The following CNTNAP2 variants were observed in gnomAD, a reference collection of about 807,000 sequenced individuals.
CNTNAP2 encodes contactin-associated protein-like 2.
A neutral mutation model predicts 155.2 loss-of-function variants in CNTNAP2; 98 were observed. That is an observed-to-expected ratio of 0.63 (90% CI 0.54 to 0.75). The LOEUF is 0.75. Ranked by LOEUF, CNTNAP2 falls within the 30% of genes least tolerant of loss-of-function variation. The probability of loss-of-function intolerance (pLI) is 0.00; values close to 1 mark genes in which losing one functional copy is unlikely to be tolerated. For missense variants in CNTNAP2, 1,727 were observed against 1,688.1 expected (o/e 1.02, Z -0.40); for synonymous variants, 651 against 631.2 (o/e 1.03, Z -0.47).
chr7:148,158,195 T>C (rs1034445573), intron 17 of CNTNAP2, among the ~76,000 whole-genome samples: 1 of 148,508 alleles, frequency 6.7e-6, no homozygotes, highest in Non-Finnish European at 1.5e-5. Context: ...CCATAGGAAG[T>C]GAGTGATGAT....
intron 1 of CNTNAP2, among the ~76,000 whole-genome samples, chr7:146,307,991 C>T (rs1216712440): frequency 2.0e-5 from 3 of 152,078 alleles, no homozygotes; most frequent in African/African-American, 7.2e-5. Flanking sequence ...TCTAATTAAA[C>T]TAAAGAGCTT....
intron 2 of CNTNAP2, among the ~76,000 whole-genome samples, chr7:146,822,151 A>G (rs2129196426): frequency 6.6e-6 from 1 of 152,278 alleles, no homozygotes; most frequent in Middle Eastern, 3.4e-3. Context: ...CATAAAAATG[A>G]TGAGTTCATG....
chr7:147,294,721 C>T (rs1211346325), intron 8 of CNTNAP2, among the ~76,000 whole-genome samples: 1 of 151,960 alleles, frequency 6.6e-6, no homozygotes, highest in Non-Finnish European at 1.5e-5. Context: ...TGCAGTGACA[C>T]GATCTCAGCT....
At chr7:148,388,837 C>A (rs1172309153) in intron 22 of CNTNAP2, among the ~76,000 whole-genome samples, 1 of 152,188 alleles carries the variant, frequency 6.6e-6, no homozygotes, top group Admixed American at 6.5e-5. Context: ...GCGGTGTTTG[C>A]AGAACAGCGG....
intron 13 of CNTNAP2, among the ~76,000 whole-genome samples, chr7:147,878,295 A>G (rs1799459515): frequency 6.6e-6 from 1 of 152,120 alleles, no homozygotes; most frequent in South Asian, 2.1e-4. Context: ...AGTGATGATG[A>G]TGATGATTTT....
chr7:147,829,562 A>G (rs1008873227), intron 13 of CNTNAP2, among the ~76,000 whole-genome samples: 1 of 152,132 alleles, frequency 6.6e-6, no homozygotes, highest in African/African-American at 2.4e-5. Flanking sequence ...CATTTTTCCG[A>G]TATCACAAAT....
In CNTNAP2 at chr7:146,285,949, TTTCC is replaced by T. The variant is rs1344304459; in HGVS notation, c.97+169000_97+169003del. Among the ~76,000 whole-genome samples, 8 of 32,982 alleles carry T rather than the reference TTTCC, an allele frequency of 2.4e-4. No homozygotes were observed. In the East Asian group the frequency reaches 2.7e-3, roughly 11 times the overall value. The allele number at this position is 32,982 out of a possible 152,430, so 21.6% of individuals were successfully genotyped here. ...CCCTCCCTTCCCCTCCCCTCCCCCT[TTTCC>T]TTCCTTCCTTCCTTCCTTCCTTCTC... is the stretch of plus-strand genomic sequence containing the variant. On this transcript the variant is annotated intron_variant, in intron 1 of 23. Coordinates refer to ENST00000361727, the MANE Select transcript of CNTNAP2 (RefSeq NM_014141.6).
chr7:147,105,990 A>G (rs1160380929), intron 4 of CNTNAP2, among the ~76,000 whole-genome samples: 1 of 152,086 alleles, frequency 6.6e-6, no homozygotes, highest in South Asian at 2.1e-4. Flanking sequence ...CTCTAAAAGT[A>G]AGACAGGAAT....
In CNTNAP2 at chr7:147,577,874, A is replaced by T. The variant is rs558946637; in HGVS notation, c.1897+15617A>T. Reference sequence around the variant, plus strand: ...TGTTCTCACCACCTCTACTCTCCTCAAGTTTATCTTTTCTTTGGGAGTTCC... The same window carrying T: ...TGTTCTCACCACCTCTACTCTCCTCTAGTTTATCTTTTCTTTGGGAGTTCC... On this transcript the variant is annotated intron_variant, in intron 12 of 23. Transcript: ENST00000361727. 3.3e-5 allele frequency among the ~76,000 whole-genome samples: 5 copies of T among 152,028 alleles called. No homozygotes were observed. In the East Asian group the frequency reaches 9.7e-4, roughly 29 times the overall value.
chr7:148,335,693 G>A (rs555425726), intron 21 of CNTNAP2, among the ~76,000 whole-genome samples: 2 of 152,218 alleles, frequency 1.3e-5, no homozygotes, highest in Admixed American at 6.5e-5. Flanking sequence ...AAATGCGGGA[G>A]AAAGCTGCCT....
intron 15 of CNTNAP2, among the ~76,000 whole-genome samples, chr7:148,013,356 C>T (rs183753270): frequency 2.0e-5 from 3 of 152,172 alleles, no homozygotes; most frequent in Non-Finnish European, 1.5e-5. Context: ...CTTAAGTAGA[C>T]AGAGGTATTA....
At chr7:147,558,748 CCTTCCTTTCTTT>C (rs1181467985) in intron 11 of CNTNAP2, among the ~76,000 whole-genome samples, 2 of 130,924 alleles carry the variant, frequency 1.5e-5, no homozygotes, top group East Asian at 2.2e-4. Context: ...TTCCTTTCTT[CCTTCCTTTCTTT>C]GAGATGGAGT....
At chr7:147,639,710 G>C (rs527776332) in intron 13 of CNTNAP2, among the ~76,000 whole-genome samples, 20 of 152,284 alleles carry the variant, frequency 1.3e-4, no homozygotes, top group Non-Finnish European at 2.8e-4. Flanking sequence ...ATAGAATAGC[G>C]ATAGAATTTA....
At chr7:147,625,879 G>T (rs1312217446) in intron 12 of CNTNAP2, among the ~76,000 whole-genome samples, 1 of 152,138 alleles carries the variant, frequency 6.6e-6, no homozygotes, top group Non-Finnish European at 1.5e-5. Context: ...TTCTACTGGG[G>T]GACCTGAAAA....
At chr7:146,167,937 G>A (rs1466008708) in intron 1 of CNTNAP2, among the ~76,000 whole-genome samples, 3 of 152,118 alleles carry the variant, frequency 2.0e-5, no homozygotes, top group Non-Finnish European at 4.4e-5. Flanking sequence ...GATTCCCCTG[G>A]CAAACCACTG....
intron 18 of CNTNAP2, among the ~76,000 whole-genome samples, chr7:148,177,799 G>T (rs1319754723): frequency 6.6e-6 from 1 of 151,768 alleles, no homozygotes; most frequent in African/African-American, 2.4e-5. Context: ...TAGTCTTAAA[G>T]CTTTTTGATT....
At chr7:147,272,352 G>T (rs1451841914) in intron 8 of CNTNAP2, among the ~76,000 whole-genome samples, 1 of 224 alleles carries the variant, frequency 4.5e-3, no homozygotes, top group South Asian at 0.17. Context: ...GAATTTATTT[G>T]CATGTATACG....
chr7:146,352,502 A>T (rs1468060116), intron 1 of CNTNAP2, among the ~76,000 whole-genome samples: 1 of 152,248 alleles, frequency 6.6e-6, no homozygotes, highest in East Asian at 1.9e-4. Context: ...ACAGTCATAG[A>T]AAACAGACTT....
intron 8 of CNTNAP2, among the ~76,000 whole-genome samples, chr7:147,205,174 T>A (rs1450291805): frequency 6.6e-6 from 1 of 152,054 alleles, no homozygotes; most frequent in East Asian, 1.9e-4. Context: ...ATATTTTAGT[T>A]CTCCCATCAC....
Sources: allele counts gnomAD v4.1 joint callset (sites outside exome capture counted in the v4.1 genomes callset), GRCh38; gene constraint gnomAD v4.1.1; transcripts MANE v1.5; gene names NCBI Gene and HGNC (gene_info 2026-07-23, HGNC 2026-07-21).